The following DNAH9 variants were observed in gnomAD, a reference collection of about 807,000 sequenced individuals.
The protein encoded by DNAH9 is dynein axonemal heavy chain 9, also known as DNAH9 variant protein.
DNAH9 carries 345 observed loss-of-function variants against 471.6 expected under a neutral mutation model. The observed-to-expected ratio is 0.73, with a 90% CI of 0.67 to 0.80. The LOEUF (loss-of-function observed/expected upper bound fraction) is 0.80. Ranked by LOEUF, DNAH9 falls within the 30% of genes least tolerant of loss-of-function variation. The probability of loss-of-function intolerance (pLI) is 0.00; values close to 1 mark genes in which losing one functional copy is unlikely to be tolerated. For synonymous variants in DNAH9, 2,093 were observed against 2,123.6 expected (o/e 0.99, Z 0.40); for missense variants, 5,407 against 5,609.2 (o/e 0.96, Z 1.15).
At chr17:11,943,045 G>A (rs369526209) in intron 67 of DNAH9, among the ~76,000 whole-genome samples, 8 of 151,756 alleles carry the variant, frequency 5.3e-5, no homozygotes, top group East Asian at 2.0e-4. Flanking sequence ...ACAGGTGCCC[G>A]CCACCACGCC....
chr17:11,608,138 C>T lies in DNAH9; in HGVS notation c.427C>T (p.Pro143Ser). ...LAALFSEVVLPVLANEKNRLN... is the reference protein window; with the variant it reads ...LAALFSEVVLSVLANEKNRLN... ...TGCACCTCTGTTCCAGGTTGTTCTA[C>T]CCGTCCTGGCCAATGAGAAGAATCG... Residue 143 changes from proline (P) to serine (S), a missense_variant, in exon 2 of 69, where the codon CCC becomes TCC. Transcript: ENST00000262442. 6.3e-7 allele frequency: 1 copy of T among 1,596,666 alleles called. No individual in the cohort carries two copies. The highest frequency in any genetic ancestry group is 8.6e-7 in the Non-Finnish European group (1 of 1,167,412).
intron 50 of DNAH9, among the ~76,000 whole-genome samples, chr17:11,865,824 C>T (rs1294551000): frequency 1.3e-5 from 2 of 152,242 alleles, no homozygotes; most frequent in Admixed American, 1.3e-4. Context: ...GCTCCTGAGG[C>T]TTCTGCATTC....
In DNAH9 at chr17:11,619,602, C is replaced by T; in HGVS notation, c.1171C>T (p.Gln391Ter). ...DLLRSEVEES[Q>*]RKLQVVSDTL... ...GCTGAGAAGTGAGGTAGAAGAAAGT[C>T]AGAGAAAACTGCAAGTGGTCTCAGA... The change falls in exon 6 of 69, where the codon CAG becomes TAG. Residue 391 changes from glutamine (Q) to a stop codon, truncating the protein, a stop_gained. Transcript: ENST00000262442. LOFTEE classifies it high-confidence loss of function. The T allele has an allele frequency of 6.2e-7, 1 of 1,614,060 alleles. No individual in the cohort carries two copies. Among genetic ancestry groups the T allele is most frequent in the Non-Finnish European group, 8.5e-7 (1 of 1,179,938 alleles).
chr17:11,968,603 G>C (rs905894920), intron 68 of DNAH9, among the ~76,000 whole-genome samples: 1 of 152,238 alleles, frequency 6.6e-6, no homozygotes, highest in Non-Finnish European at 1.5e-5. Flanking sequence ...CAGTGTGGTA[G>C]TGTATGTTGT....
chr17:11,938,661 T>G (rs1597851650), intron 66 of DNAH9, among the ~76,000 whole-genome samples: 1 of 152,238 alleles, frequency 6.6e-6, no homozygotes, highest in Non-Finnish European at 1.5e-5. Flanking sequence ...TTCAGTGGCA[T>G]AATCACAGCT....
intron 25 of DNAH9, 46 bp from the exon 26 acceptor site, chr17:11,704,979 C>T: frequency 6.4e-7 from 1 of 1,558,596 alleles, no homozygotes; most frequent in Non-Finnish European, 8.8e-7. Context: ...CAAGGGACTA[C>T]CTGCTGCCTA....
At chr17:11,778,679 C>T (rs561087559) in intron 38 of DNAH9, among the ~76,000 whole-genome samples, 3 of 151,992 alleles carry the variant, frequency 2.0e-5, no homozygotes, top group East Asian at 1.9e-4. Flanking sequence ...GTGGAGACGG[C>T]GAAAAGAGAT....
chr17:11,632,672 A>G lies in DNAH9; in HGVS notation c.1604A>G (p.Asp535Gly), dbSNP rs145472121. ...GGGACTATCTTTATTCAAGCTTTTGATGATGCACCTGGCTTGGAGCATGCC... is the reference window on the plus strand; with the variant it reads ...GGGACTATCTTTATTCAAGCTTTTGGTGATGCACCTGGCTTGGAGCATGCC... ...RLGTIFIQAF[D>G]DAPGLEHAFK... Residue 535 changes from aspartate to glycine, a missense_variant, in exon 8 of 69, where the codon GAT becomes GGT. Coordinates refer to ENST00000262442, the MANE Select transcript of DNAH9 (RefSeq NM_001372.4). The G allele has an allele frequency of 2.6e-4, 422 of 1,605,832 alleles. No homozygotes were observed. The highest frequency in any genetic ancestry group is 3.4e-4 in the Non-Finnish European group (399 of 1,172,598).
intron 59 of DNAH9, 152 bp from the exon 60 acceptor site, chr17:11,902,567 A>C (rs1220222604): frequency 4.0e-6 from 3 of 755,510 alleles, no homozygotes; most frequent in Admixed American, 2.8e-5. Flanking sequence ...CTCTTTCTTG[A>C]TTTTTCCTGG....
intron 52 of DNAH9, among the ~76,000 whole-genome samples, chr17:11,873,741 G>A (rs35583821): frequency 0.037 from 5,516 of 148,992 alleles, 142 homozygotes; most frequent in Non-Finnish European, 0.051. Flanking sequence ...ACGAGCTGGG[G>A]GTAGACAGAA....
intron 45 of DNAH9, among the ~76,000 whole-genome samples, chr17:11,815,160 A>G (rs1970052429): frequency 6.6e-6 from 1 of 151,042 alleles, no homozygotes; most frequent in Non-Finnish European, 1.5e-5. Context: ...AAGAAGCATG[A>G]GCAATCAGAC....
At chr17:11,643,522 T>C (rs1016403704) in intron 10 of DNAH9, among the ~76,000 whole-genome samples, 20 of 152,234 alleles carry the variant, frequency 1.3e-4, no homozygotes, top group African/African-American at 4.6e-4. Flanking sequence ...TACTTCACAA[T>C]GGGGTTATGT....
intron 63 of DNAH9, among the ~76,000 whole-genome samples, chr17:11,931,321 G>A (rs1974501443): frequency 6.6e-6 from 1 of 152,186 alleles, no homozygotes; most frequent in Non-Finnish European, 1.5e-5. Flanking sequence ...GCTCACATGT[G>A]TCAGATGGGT....
intron 49 of DNAH9, among the ~76,000 whole-genome samples, chr17:11,850,701 C>T (rs535084091): frequency 2.0e-5 from 3 of 151,746 alleles, no homozygotes; most frequent in South Asian, 2.1e-4. Context: ...ATTAGCACCA[C>T]GCTGCTCTAT....
At chr17:11,705,291 C>A in intron 26 of DNAH9, 106 bp downstream of exon 26, 1 of 1,005,606 alleles carries the variant, frequency 9.9e-7, no homozygotes, top group Non-Finnish European at 1.5e-6. Flanking sequence ...GTCCATAGAG[C>A]TACAGGGAAA....
At position 11,617,523 on chromosome 17, in the gene DNAH9, C is replaced by T; in HGVS notation, c.1017C>T (p.Leu339=). Residue 339 remains leucine, a synonymous_variant, in exon 5 of 69, where the codon CTC becomes CTT. Transcript: ENST00000262442. ...TGAAGCCCCAGCTGCGGCCCCTGCT[C>T]CACGTGGTCTGTCTGATTTGGGCCA... ...PEVKPQLRPL[L]HVVCLIWATC... is the part of the protein sequence containing the mutation. 2 of 1,614,114 alleles carry T rather than the reference C, an allele frequency of 1.2e-6. No individual in the cohort carries two copies. Among genetic ancestry groups the T allele is most frequent in the Non-Finnish European group, 1.7e-6 (2 of 1,179,986 alleles).
At chr17:11,909,393 G>C (rs1448570386) in intron 61 of DNAH9, among the ~76,000 whole-genome samples, 1 of 152,144 alleles carries the variant, frequency 6.6e-6, no homozygotes, top group Non-Finnish European at 1.5e-5. Context: ...TACCAGACTA[G>C]TAAGGACAGT....
chr17:11,946,152 A>G (rs1975113415), intron 67 of DNAH9, among the ~76,000 whole-genome samples: 2 of 144,452 alleles, frequency 1.4e-5, no homozygotes, highest in South Asian at 4.5e-4. Context: ...GCGAGCTGAG[A>G]TCATGCCACT....
intron 51 of DNAH9, among the ~76,000 whole-genome samples, chr17:11,870,509 G>T (rs537477701): frequency 6.6e-6 from 1 of 152,166 alleles, no homozygotes; most frequent in Non-Finnish European, 1.5e-5. Flanking sequence ...TCACTGAATG[G>T]AGCTGTGATG....
Sources: gnomAD v4.1 joint callset for allele counts (sites outside exome capture counted in the v4.1 genomes callset) on GRCh38, gnomAD v4.1.1 for gene constraint, MANE v1.5 for transcripts, NCBI Gene and HGNC (gene_info 2026-07-23, HGNC 2026-07-21) for gene names.